The following WDPCP variants were observed in gnomAD, a reference collection of about 807,000 sequenced individuals.
WDPCP encodes the protein WD repeat containing planar cell polarity effector.
Under a neutral mutation model 93.1 loss-of-function variants are expected in WDPCP, and 71 were observed. The observed-to-expected ratio is 0.76, with a 90% CI of 0.63 to 0.93. The LOEUF is 0.93. WDPCP is among the 40% of genes least tolerant of loss of function. The pLI, the probability that WDPCP is intolerant of heterozygous loss-of-function variation, is 0.00. For synonymous variants in WDPCP, 315 were observed against 315.0 expected, an observed-to-expected ratio of 1.00 and a Z score of 0.00; for missense variants, 844 against 887.4, an observed-to-expected ratio of 0.95 and a Z score of 0.62.
intron 14 of WDPCP, among the ~76,000 whole-genome samples, chr2:63,250,806 A>G (rs961701259): frequency 6.6e-6 from 1 of 152,212 alleles, no homozygotes; most frequent in African/African-American, 2.4e-5. Flanking sequence ...TTAGCCATAT[A>G]TATTTTATTT....
At chr2:63,256,570 G>A (rs943354385) in intron 14 of WDPCP, among the ~76,000 whole-genome samples, 1 of 141,672 alleles carries the variant, frequency 7.1e-6, no homozygotes, top group African/African-American at 2.8e-5. Context: ...CTACGTCACA[G>A]GAGTTCAACT....
intron 14 of WDPCP, among the ~76,000 whole-genome samples, chr2:63,256,400 A>T (rs1047861258): frequency 6.6e-6 from 1 of 152,188 alleles, no homozygotes; most frequent in African/African-American, 2.4e-5. Context: ...ATACAAAATT[A>T]CAATACCTTT....
In WDPCP at chr2:63,583,072, C is replaced by T. The variant is rs1189451494; in HGVS notation, c.75+5125G>A. On this transcript the variant is annotated intron_variant, in intron 1 of 17. Transcript: ENST00000272321. ...AAAATAATTGACTAAGCAAAAATAA[C>T]GATGATGTTGTATGGGGCTCATAAC... Among the ~76,000 whole-genome samples the T allele has an allele frequency of 3.3e-5, 5 of 151,998 alleles. No individual in the cohort carries two copies. In the South Asian group the frequency reaches 6.2e-4, roughly 19 times the overall value.
intron 15 of WDPCP, among the ~76,000 whole-genome samples, chr2:63,162,242 A>C (rs1183076885): frequency 1.3e-5 from 2 of 152,036 alleles, no homozygotes; most frequent in African/African-American, 4.8e-5. Flanking sequence ...TTTTTTCAAA[A>C]AATATTCAAG....
chr2:63,340,942 G>T (rs577558432), intron 12 of WDPCP, among the ~76,000 whole-genome samples: 1 of 152,062 alleles, frequency 6.6e-6, no homozygotes, highest in Non-Finnish European at 1.5e-5. Flanking sequence ...GCTGTACCCC[G>T]TAAGTTTCAC....
In WDPCP at chr2:63,598,496, C is replaced by T. The variant is rs901257993; in HGVS notation, n.488+52163G>A. Among the ~76,000 whole-genome samples the T allele has an allele frequency of 6.6e-5, 10 of 152,116 alleles. No homozygotes were observed. In the East Asian group the frequency reaches 7.7e-4, roughly 12 times the overall value. Reference sequence around the variant, plus strand: ...ATTGTCACCCAGCAAATAGGCTTGCCGGTTAAAGGTTTAACTGATTTCCAT... The same window carrying T: ...ATTGTCACCCAGCAAATAGGCTTGCTGGTTAAAGGTTTAACTGATTTCCAT... On this transcript the variant is annotated intron_variant and non_coding_transcript_variant, in intron 3 of 4. Coordinates refer to the WDPCP transcript ENST00000467687.
At chr2:63,202,753 C>T (rs1443953740) in intron 14 of WDPCP, among the ~76,000 whole-genome samples, 2 of 152,130 alleles carry the variant, frequency 1.3e-5, no homozygotes, top group Non-Finnish European at 2.9e-5. Flanking sequence ...TTCTCAGATA[C>T]CAAGACTGCG....
chr2:63,231,150 A>C (rs912939436), intron 14 of WDPCP, among the ~76,000 whole-genome samples: 1 of 151,866 alleles, frequency 6.6e-6, no homozygotes, highest in East Asian at 1.9e-4. Flanking sequence ...CAAAAACCAC[A>C]TGTAAACTAG....
intron 17 of WDPCP, among the ~76,000 whole-genome samples, chr2:63,137,921 T>C (rs1050338226): frequency 6.6e-6 from 1 of 152,176 alleles, no homozygotes; most frequent in African/African-American, 2.4e-5. Flanking sequence ...CATGTGTCTG[T>C]TTTTGTACAG....
rs1359844425 is a variant in WDPCP at position 63,725,653 on chromosome 2, A to C, written n.309-74815T>G. 2.0e-5 allele frequency among the ~76,000 whole-genome samples: 3 copies of C among 151,924 alleles called. 1 individual carries two copies. The highest frequency in any genetic ancestry group is 4.4e-5 in the Non-Finnish European group (3 of 67,978). Reference sequence around the variant, plus strand: ...TTCCACAGTGGCTGAACTAATTTACACTCCCACCAACAGTATGTAGGTGTT... The same window carrying C: ...TTCCACAGTGGCTGAACTAATTTACCCTCCCACCAACAGTATGTAGGTGTT... On this transcript the variant is annotated intron_variant and non_coding_transcript_variant, in intron 2 of 4. Coordinates refer to the WDPCP transcript ENST00000467687.
intron 2 of WDPCP, among the ~76,000 whole-genome samples, chr2:63,805,574 C>G (rs954479415): frequency 1.3e-5 from 2 of 152,130 alleles, no homozygotes; most frequent in South Asian, 4.1e-4. Flanking sequence ...GGCTGTCAGC[C>G]ACCAACCAGG....
intron 1 of WDPCP, among the ~76,000 whole-genome samples, chr2:63,816,676 C>T (rs1354686062): frequency 1.3e-5 from 2 of 152,148 alleles, no homozygotes; most frequent in African/African-American, 4.8e-5. Flanking sequence ...GAGAGAATAA[C>T]CTTTTGTTGT....
intron 9 of WDPCP, among the ~76,000 whole-genome samples, chr2:63,409,099 A>G (rs1339672773): frequency 6.6e-6 from 1 of 152,170 alleles, no homozygotes; most frequent in East Asian, 1.9e-4. Context: ...ACGACCACTA[A>G]AATAAAGCAT....
Position 63,404,538 on chromosome 2 carries a change from G to A in WDPCP, c.945C>T (p.Asp315=). The change falls in exon 10 of 18, where the codon GAC becomes GAT. Residue 315 remains aspartate (D), a synonymous_variant. Transcript: ENST00000272321. ...SVSVDKEPMA[D]SCIYECIRNK... The stretch of plus-strand genomic sequence containing the variant: ...TCCGAATGCATTCATAGATGCAGCT[G>A]TCAGCCATGGGCTCTTTGTCTACAC... 1.2e-6 allele frequency: 2 copies of A among 1,613,644 alleles called. No individual in the cohort carries two copies. Among genetic ancestry groups the A allele is most frequent in the Non-Finnish European group, 1.7e-6 (2 of 1,179,686 alleles).
intron 3 of WDPCP, chr2:63,607,172 CTAAA>C: frequency 2.5e-6 from 1 of 398,460 alleles, no homozygotes; most frequent in Non-Finnish European, 4.4e-6. Flanking sequence ...AGTGTGCATT[CTAAA>C]TAAATATATA....
chr2:63,167,367 A>G (rs1304964295), intron 15 of WDPCP, among the ~76,000 whole-genome samples: 1 of 151,830 alleles, frequency 6.6e-6, no homozygotes, highest in Non-Finnish European at 1.5e-5. Context: ...TTGAGTTACA[A>G]TTGTTCCCTT....
At chr2:63,377,931 A>G (rs1691992075) in intron 12 of WDPCP, 1 of 160,038 alleles carries the variant, frequency 6.2e-6, no homozygotes, top group Non-Finnish European at 1.4e-5. Context: ...AAGCAGAGAA[A>G]ATGGGGTATG....
chr2:63,726,562 T>C (rs181218370), intron 2 of WDPCP, among the ~76,000 whole-genome samples: 3 of 152,320 alleles, frequency 2.0e-5, no homozygotes, highest in Non-Finnish European at 4.4e-5. Flanking sequence ...GAATAGTTAT[T>C]CCTAGTTCTG....
At chr2:63,674,502 C>T (rs995359131) in intron 2 of WDPCP, among the ~76,000 whole-genome samples, 2 of 152,098 alleles carry the variant, frequency 1.3e-5, no homozygotes, top group Admixed American at 1.3e-4. Context: ...AATAGTCAGA[C>T]TCATAAGAAG....
Sources: gnomAD v4.1 joint callset for allele counts (sites outside exome capture counted in the v4.1 genomes callset) on GRCh38, gnomAD v4.1.1 for gene constraint, MANE v1.5 for transcripts, NCBI Gene and HGNC (gene_info 2026-07-23, HGNC 2026-07-21) for gene names.